The following MTHFSD variants were observed in gnomAD, a reference collection of about 807,000 sequenced individuals.
The protein encoded by MTHFSD is methenyltetrahydrofolate synthetase domain containing.
A neutral mutation model predicts 31.1 loss-of-function variants in MTHFSD; 37 were observed. The observed-to-expected ratio is 1.19, with a 90% CI of 0.91 to 1.56. The LOEUF is 1.56. Ranked by LOEUF, MTHFSD falls within the 40% of genes most tolerant of loss-of-function variation. MTHFSD has a pLI of 0.00. For missense variants in MTHFSD, 664 were observed against 510.1 expected (o/e 1.30, Z -2.91); for synonymous variants, 221 against 206.9 (o/e 1.07, Z -0.59).
rs193134396 is a variant in MTHFSD at position 86,548,805 on chromosome 16, G to C, written c.238-228C>G. ...ACCTCCTTACCCTGAAGAGCCAGAG[G>C]GTTTACTAAACTTGCTAATTTGATT... is the stretch of plus-strand genomic sequence containing the variant. On this transcript the variant is annotated intron_variant, in intron 3 of 7. Transcript: ENST00000360900. 3.7e-3 allele frequency among the ~76,000 whole-genome samples: 559 copies of C among 152,174 alleles called. 3 individuals carry two copies. The highest frequency in any genetic ancestry group is 0.017 in the Middle Eastern group (5 of 294).
rs139980685 is a variant in MTHFSD, at chr16:86,548,763, T to C, written c.238-186A>G. On this transcript the variant is annotated intron_variant, in intron 3 of 7. Transcript: ENST00000360900. ...AATAATGTGTGGGGTCGATTTTTCT[T>C]AGAATCACCACTCGGCACCTCCTTA... Among the ~76,000 whole-genome samples, 442 of 152,346 alleles carry C rather than the reference T, an allele frequency of 2.9e-3. 1 individual carries two copies. Among genetic ancestry groups the C allele is most frequent in the African/African-American group, 0.01 (427 of 41,572 alleles).
rs1361422192 is a variant in MTHFSD, at chr16:86,546,599, C to G, written c.402G>C (p.Val134=). The change falls in exon 5 of 8, where the codon GTG becomes GTC. Residue 134 remains valine (V), a synonymous_variant. Coordinates refer to ENST00000360900, the MANE Select transcript of MTHFSD (RefSeq NM_001159377.2). The stretch of plus-strand genomic sequence containing the variant: ...CGACGGATCCCACCACAACTAAATC[C>G]ACGAGGACTCTGGAGTCCAAGCCTA... The part of the protein sequence containing the change: ...VPIGLDSRVL[V]DLVVVGSVAV... 2 of 1,614,006 alleles carry G rather than the reference C, an allele frequency of 1.2e-6. No homozygotes were observed. Among genetic ancestry groups the G allele is most frequent in the Non-Finnish European group, 1.7e-6 (2 of 1,180,034 alleles).
At chr16:86,546,799 G>C (rs1972379557) in intron 4 of MTHFSD, 150 bp from the exon 5 acceptor site, 11 of 688,106 alleles carry the variant, frequency 1.6e-5, no homozygotes, top group Non-Finnish European at 2.5e-5. Context: ...CGTTTCAGGA[G>C]AAGCCGCATT....
intron 2 of MTHFSD, among the ~76,000 whole-genome samples, chr16:86,554,139 A>G (rs1056392343): frequency 2.6e-5 from 4 of 152,136 alleles, no homozygotes; most frequent in Non-Finnish European, 4.4e-5. Context: ...CACATTGTGG[A>G]AGGTTTGTTC....
chr16:86,554,905 C>A, intron 1 of MTHFSD, 154 bp from the exon 2 acceptor site: 1 of 1,070,258 alleles, frequency 9.3e-7, no homozygotes, highest in Non-Finnish European at 1.3e-6. Context: ...AAGGGGCCCA[C>A]GGGCTCCCCC....
chr16:86,541,276 GA>G, intron 7 of MTHFSD: 1 of 1,125,818 alleles, frequency 8.9e-7, no homozygotes. Context: ...TCTGCTTGAA[GA>G]TCCAGATCGT....
rs1382160700 is a variant in MTHFSD, at chr16:86,531,285, G to A, written c.*726C>T. 6.6e-6 allele frequency: 1 copy of A among 152,236 alleles called. No homozygotes were observed. Among genetic ancestry groups the A allele is most frequent in the Non-Finnish European group, 1.5e-5 (1 of 68,036 alleles). 9.4% of individuals were successfully genotyped at this position (152,236 alleles called of 1,614,324 possible). A position where few individuals can be genotyped will look rare whatever the true frequency, so the allele number is the denominator to read the frequency against. Reference sequence around the variant, plus strand: ...AGAAAACATAAGGCACTGGGCAAATGTGACGTAGGCTGGGATGAAACCCAT... The same window carrying A: ...AGAAAACATAAGGCACTGGGCAAATATGACGTAGGCTGGGATGAAACCCAT... On this transcript the variant is annotated 3_prime_UTR_variant, in exon 8 of 8. Coordinates refer to ENST00000360900, the MANE Select transcript of MTHFSD (RefSeq NM_001159377.2). This position sits in a 1 kb window ranked among gnomAD's most constrained non-coding sequence, Gnocchi z 5.5.
rs1597304824 is a variant in MTHFSD, at chr16:86,531,796, G to A, written c.*215C>T. 2 of 409,850 alleles carry A rather than the reference G, an allele frequency of 4.9e-6. No individual in the cohort carries two copies. Among genetic ancestry groups the A allele is most frequent in the African/African-American group, 2.1e-5 (1 of 48,694 alleles). The allele number at this position is 409,850 out of a possible 1,614,324, so 25.4% of individuals were successfully genotyped here. A position where few individuals can be genotyped will look rare whatever the true frequency, so the allele number is the denominator to read the frequency against. ...GCACGATTGGGAGGCTGCAGTCTCT[G>A]CGCGCTGTGAGATGAACCGCAGGGC... On this transcript the variant is annotated 3_prime_UTR_variant, in exon 8 of 8. Coordinates refer to ENST00000360900, the MANE Select transcript of MTHFSD (RefSeq NM_001159377.2). This position sits in a 1 kb window ranked among gnomAD's most constrained non-coding sequence, Gnocchi z 5.5.
chr16:86,554,703 T>A lies in MTHFSD; in HGVS notation c.65A>T (p.Glu22Val). 6.2e-7 allele frequency: 1 copy of A among 1,614,232 alleles called. No individual in the cohort carries two copies. The highest frequency in any genetic ancestry group is 8.5e-7 in the Non-Finnish European group (1 of 1,180,036). Residue 22 changes from glutamate (E) to valine (V), a missense_variant, in exon 2 of 8, where the codon GAA becomes GTA. Physicochemically the swap from Glu to Val is moderately radical, Grantham distance 121. Transcript: ENST00000360900. ...DIREQIWGYM[E>V]SQNLADFPRP... ...GGGAAAGTCAGCTAAATTTTGTGAT[T>A]CCATGTAGCCCCAAATTTGTTCACG...
At chr16:86,547,566 C>T (rs551432931) in intron 4 of MTHFSD, 5 of 987,920 alleles carry the variant, frequency 5.1e-6, no homozygotes, top group South Asian at 4.7e-5. Flanking sequence ...AGGCACTGAC[C>T]AACTGCAAAG....
At chr16:86,555,135 C>G in intron 1 of MTHFSD, 34 bp downstream of exon 1, 2 of 1,532,992 alleles carry the variant, frequency 1.3e-6, no homozygotes, top group Non-Finnish European at 1.7e-6. Flanking sequence ...CCTCCCCATT[C>G]CCAGCCGCCC....
In MTHFSD at chr16:86,537,774, A is replaced by C. The variant is rs540241900; in HGVS notation, c.681+3923T>G. On this transcript the variant is annotated intron_variant, in intron 7 of 7. Coordinates refer to ENST00000360900, the MANE Select transcript of MTHFSD (RefSeq NM_001159377.2). ...TGGCCATCTGAGAACCACACTCCCC[A>C]GCAGGCTGTGTGGGGAAGAGCGGGC... Among the ~76,000 whole-genome samples the C allele has an allele frequency of 1.5e-4, 23 of 152,376 alleles. No individual in the cohort carries two copies. The East Asian group carries it at 4.0e-3, about 27-fold the overall frequency.
At chr16:86,554,896 A>G (rs1323008858) in intron 1 of MTHFSD, 145 bp from the exon 2 acceptor site, 2 of 1,056,250 alleles carry the variant, frequency 1.9e-6, no homozygotes, top group East Asian at 2.6e-5. Flanking sequence ...CCCGACCTCA[A>G]GGGGCCCACG....
chr16:86,541,537 G>A, intron 7 of MTHFSD, 160 bp downstream of exon 7: 1 of 970,572 alleles, frequency 1.0e-6, no homozygotes, highest in East Asian at 2.6e-5. Context: ...CCTGGGCCTG[G>A]ACATGGTCAT....
In MTHFSD at chr16:86,542,040, A is replaced by AC; in HGVS notation, c.555+60dup. 1 of 1,504,278 alleles carries AC rather than the reference A, an allele frequency of 6.6e-7. No individual in the cohort carries two copies. Among genetic ancestry groups the AC allele is most frequent in the Non-Finnish European group, 9.2e-7 (1 of 1,089,134 alleles). 93.2% of individuals were successfully genotyped at this position (1,504,278 alleles called of 1,614,324 possible). On this transcript the variant is annotated intron_variant, in intron 6 of 7. Transcript: ENST00000360900. This position sits in a 1 kb window ranked among gnomAD's most constrained non-coding sequence, Gnocchi z 4.6. ...CAGAAGCAGATGAGTCTCCTTCCCC[A>AC]CCCCCTGCTCCCTCAGAAGAGAATG...
intron 7 of MTHFSD, among the ~76,000 whole-genome samples, chr16:86,538,666 C>T (rs905345797): frequency 1.4e-4 from 21 of 152,218 alleles, no homozygotes; most frequent in Admixed American, 8.5e-4. Flanking sequence ...GGAGAGACAT[C>T]GCACGACTGT....
At chr16:86,540,381 G>A (rs79378634) in intron 7 of MTHFSD, among the ~76,000 whole-genome samples, 9,503 of 152,268 alleles carry the variant, frequency 0.062, 403 homozygotes, top group African/African-American at 0.12. Flanking sequence ...CTTTTCTGTA[G>A]GAGGATATAT....
intron 6 of MTHFSD, 76 bp from the exon 7 acceptor site, chr16:86,541,898 A>C: frequency 1.3e-6 from 2 of 1,582,658 alleles, no homozygotes; most frequent in Non-Finnish European, 1.7e-6. Flanking sequence ...GCTCGGTGGG[A>C]ACGTGAGGCT....
chr16:86,553,256 C>G (rs115532425), intron 2 of MTHFSD: 1 of 152,414 alleles, frequency 6.6e-6, no homozygotes, highest in African/African-American at 2.4e-5. Flanking sequence ...GCAACTAGCA[C>G]CACCTTGAAA....
Sources: allele counts gnomAD v4.1 joint callset (sites outside exome capture counted in the v4.1 genomes callset), GRCh38; gene constraint gnomAD v4.1.1; non-coding constraint Gnocchi (gnomAD v3.1); transcripts MANE v1.5; gene names NCBI Gene and HGNC (gene_info 2026-07-23, HGNC 2026-07-21).